A1CF: variants seen among roughly 807,000 people sequenced by gnomAD.
A1CF encodes the protein APOBEC-1 stimulating protein.
A1CF carries 48 observed loss-of-function variants against 68.9 expected under a neutral mutation model. The ratio of observed to expected loss-of-function variants is 0.70; its 90% CI spans 0.55 to 0.89. The LOEUF (loss-of-function observed/expected upper bound fraction) is 0.89, where lower values mean the gene tolerates loss of function less well. A1CF is among the 40% of genes least tolerant of loss of function. The pLI, the probability that A1CF is intolerant of heterozygous loss-of-function variation, is 0.00. For missense variants in A1CF, 653 were observed against 718.9 expected (o/e 0.91, Z 1.05); for synonymous variants, 272 against 260.4 (o/e 1.04, Z -0.43).
At chr10:50,838,477 T>C (rs1839625219) in intron 5 of A1CF, among the ~76,000 whole-genome samples, 1 of 152,196 alleles carries the variant, frequency 6.6e-6, no homozygotes, top group Admixed American at 6.5e-5. Flanking sequence ...GGGCTGGTCA[T>C]ATATCAGTTA....
At chr10:50,823,415 T>G (rs886291681) in intron 7 of A1CF, 18 of 152,188 alleles carry the variant, frequency 1.2e-4, no homozygotes, top group African/African-American at 4.1e-4. Flanking sequence ...TCTGAAATCA[T>G]GATGCAAGGA....
chr10:50,843,320 G>A (rs1475172223), intron 4 of A1CF, among the ~76,000 whole-genome samples: 4 of 152,206 alleles, frequency 2.6e-5, no homozygotes, highest in Non-Finnish European at 5.9e-5. Flanking sequence ...AAAATTAGGT[G>A]CAGTTCTGAA....
chr10:50,859,527 C>T (rs533890062), intron 3 of A1CF, among the ~76,000 whole-genome samples: 8 of 152,246 alleles, frequency 5.3e-5, no homozygotes, highest in African/African-American at 1.9e-4. Context: ...TCTGCTGATT[C>T]CTGAAACACC....
Position 50,862,537 on chromosome 10 carries a change from A to G in A1CF, c.-46+1496T>C, listed in dbSNP as rs1405874168. Among the ~76,000 whole-genome samples the G allele has an allele frequency of 4.6e-5, 7 of 152,088 alleles. No individual in the cohort carries two copies. In the South Asian group the frequency reaches 1.2e-3, roughly 27 times the overall value. Reference sequence around the variant, plus strand: ...TCTTGCCTGCTGCTGACTCAGGGCAATTCAGTTTGCATTCACTGATTGTTT... The same window carrying G: ...TCTTGCCTGCTGCTGACTCAGGGCAGTTCAGTTTGCATTCACTGATTGTTT... On this transcript the variant is annotated intron_variant, in intron 2 of 12. Transcript: ENST00000373997.
chr10:50,834,931 A>C (rs1839418194), intron 6 of A1CF, among the ~76,000 whole-genome samples: 1 of 152,224 alleles, frequency 6.6e-6, no homozygotes, highest in Non-Finnish European at 1.5e-5. Flanking sequence ...TGAAGAAGAA[A>C]GAAGAATTGA....
chr10:50,864,655 G>A (rs192886127), intron 1 of A1CF, among the ~76,000 whole-genome samples: 357 of 152,044 alleles, frequency 2.3e-3, no homozygotes, highest in African/African-American at 8.4e-3. Context: ...TTTTGCTCTT[G>A]TTGCCCAGGC....
At chr10:50,863,388 C>T (rs1442796960) in intron 2 of A1CF, among the ~76,000 whole-genome samples, 2 of 152,014 alleles carry the variant, frequency 1.3e-5, no homozygotes, top group East Asian at 3.9e-4. Flanking sequence ...TTCTTCAGAT[C>T]AGAATTATGA....
intron 1 of A1CF, among the ~76,000 whole-genome samples, chr10:50,880,243 C>T (rs191621332): frequency 9.9e-5 from 15 of 152,272 alleles, no homozygotes; most frequent in Non-Finnish European, 1.8e-4. Context: ...CCAGACTGCC[C>T]GGACTCACTC....
intron 1 of A1CF, among the ~76,000 whole-genome samples, chr10:50,868,011 T>G (rs1841075509): frequency 6.6e-6 from 1 of 152,196 alleles, no homozygotes; most frequent in Non-Finnish European, 1.5e-5. Context: ...GAGAAGCCAC[T>G]GGGGCCCGTA....
At chr10:50,859,247 G>T (rs1840625827) in intron 3 of A1CF, among the ~76,000 whole-genome samples, 1 of 152,164 alleles carries the variant, frequency 6.6e-6, no homozygotes, top group East Asian at 1.9e-4. Context: ...ATATCATAAA[G>T]ATAATAATAA....
At chr10:50,875,165 C>G (rs899043375) in intron 1 of A1CF, among the ~76,000 whole-genome samples, 24 of 152,104 alleles carry the variant, frequency 1.6e-4, no homozygotes, top group African/African-American at 5.8e-4. Context: ...AGAAATTAGA[C>G]AGCAGGAGAA....
At chr10:50,832,390 A>C (rs553805103) in intron 6 of A1CF, among the ~76,000 whole-genome samples, 146 of 152,280 alleles carry the variant, frequency 9.6e-4, no homozygotes, top group African/African-American at 3.4e-3. Context: ...TTCTGATATA[A>C]GTGGGCTGGA....
intron 5 of A1CF, among the ~76,000 whole-genome samples, chr10:50,836,515 T>C (rs1176902417): frequency 2.0e-5 from 3 of 152,196 alleles, no homozygotes; most frequent in Admixed American, 6.5e-5. Context: ...AAAAAAGTTA[T>C]CTGAAGCTGA....
intron 3 of A1CF, among the ~76,000 whole-genome samples, chr10:50,857,226 T>C (rs1014668236): frequency 6.6e-6 from 1 of 152,214 alleles, no homozygotes; most frequent in African/African-American, 2.4e-5. Context: ...ATGTATGATA[T>C]TTTAATACAC....
At chr10:50,864,507 G>T (rs1201438952) in intron 1 of A1CF, among the ~76,000 whole-genome samples, 1 of 151,988 alleles carries the variant, frequency 6.6e-6, no homozygotes, top group African/African-American at 2.4e-5. Flanking sequence ...TCCATTAACT[G>T]GCGATCAGAG....
In A1CF at chr10:50,800,137, A is replaced by G. The variant is rs1295394706; in HGVS notation, c.*6592T>C. The G allele has an allele frequency of 6.6e-6, 1 of 152,162 alleles. No homozygotes were observed. Among genetic ancestry groups the G allele is most frequent in the Non-Finnish European group, 1.5e-5 (1 of 67,980 alleles). The allele number at this position is 152,162 out of a possible 1,614,324, so 9.4% of individuals were successfully genotyped here. ...AACACAAATGTATTTAGAAAACAGA[A>G]ATAGTTAATGGCCAAAATGTTTTCA... On this transcript the variant is annotated 3_prime_UTR_variant, in exon 13 of 13. Coordinates refer to ENST00000373997, the MANE Select transcript of A1CF (RefSeq NM_014576.4).
chr10:50,811,834 T>A (rs1357583672), intron 10 of A1CF, among the ~76,000 whole-genome samples: 2 of 152,230 alleles, frequency 1.3e-5, no homozygotes, highest in African/African-American at 4.8e-5. Context: ...TACTCCAAAC[T>A]GAATATTTTC....
intron 1 of A1CF, among the ~76,000 whole-genome samples, chr10:50,879,104 TAACAAAACTTGTGGG>T (rs934312454): frequency 6.6e-6 from 1 of 152,222 alleles, no homozygotes; most frequent in African/African-American, 2.4e-5. Context: ...ATTTGTATTT[TAACAAAACTTGTGGG>T]AACAAACTCT....
intron 7 of A1CF, chr10:50,823,976 A>G (rs1261597597): frequency 6.6e-6 from 1 of 152,152 alleles, no homozygotes; most frequent in African/African-American, 2.4e-5. Context: ...CACAGTACAT[A>G]CTTTCCAAGA....
Sources: gnomAD v4.1 joint callset for allele counts (sites outside exome capture counted in the v4.1 genomes callset) on GRCh38, gnomAD v4.1.1 for gene constraint, MANE v1.5 for transcripts, NCBI Gene and HGNC (gene_info 2026-07-23, HGNC 2026-07-21) for gene names.